CARD14: variants seen among roughly 807,000 people sequenced by gnomAD.
CARD14 encodes caspase recruitment domain family member 14.
A neutral mutation model predicts 111.5 loss-of-function variants in CARD14; 107 were observed. The ratio of observed to expected loss-of-function variants is 0.96; its 90% CI spans 0.82 to 1.13. The LOEUF (loss-of-function observed/expected upper bound fraction) is 1.13, where lower values mean the gene tolerates loss of function less well. Ranked by LOEUF, CARD14 falls within the 50% of genes most tolerant of loss-of-function variation. The probability of loss-of-function intolerance (pLI) is 0.00; values close to 1 mark genes in which losing one functional copy is unlikely to be tolerated. For missense variants in CARD14, 1,322 were observed against 1,362.3 expected (o/e 0.97, Z 0.47); for synonymous variants, 617 against 579.6 (o/e 1.06, Z -0.93).
rs575672821 is a variant in CARD14, at chr17:80,195,823, G to A, written c.1594+171G>A. On this transcript the variant is annotated intron_variant, in intron 14 of 23. Coordinates refer to ENST00000648509, the MANE Select transcript of CARD14 (RefSeq NM_001366385.1). This position sits in a 1 kb window ranked among gnomAD's most constrained non-coding sequence, Gnocchi z 4.7. ...CGACCTTGCACTTTGGGAAAGTCCC[G>A]CCTGCCAGCCAGCGTAAGCCAAAGG... 17 of 608,964 alleles carry A rather than the reference G, an allele frequency of 2.8e-5. No individual in the cohort carries two copies. Among genetic ancestry groups the A allele is most frequent in the South Asian group, 4.1e-5 (2 of 49,350 alleles). 37.7% of individuals were successfully genotyped at this position (608,964 alleles called of 1,614,324 possible).
At chr17:80,170,794 C>T (rs1379967623) in intron 1 of CARD14, among the ~76,000 whole-genome samples, 5 of 105,534 alleles carry the variant, frequency 4.7e-5, no homozygotes, top group Non-Finnish European at 8.0e-5. Flanking sequence ...CCTCCCCTCC[C>T]GTCCCCTCCC....
chr17:80,208,092 C>T (rs998844891), intron 23 of CARD14, 46 bp from the exon 24 acceptor site: 35 of 1,410,262 alleles, frequency 2.5e-5, no homozygotes, highest in Admixed American at 1.9e-4. Context: ...GCTCCTGGGC[C>T]CTTGCTCTCC....
In CARD14 at chr17:80,209,322, T is replaced by A; in HGVS notation, c.*977T>A. ...TGTATATTTTACTAAAATAAAAAGCTTTTACAATAGCTGGCCTGTGGCCTC... is the reference window on the plus strand; with the variant it reads ...TGTATATTTTACTAAAATAAAAAGCATTTACAATAGCTGGCCTGTGGCCTC... On this transcript the variant is annotated 3_prime_UTR_variant, in exon 24 of 24. Transcript: ENST00000648509. 1.0e-6 allele frequency: 1 copy of A among 985,340 alleles called. No homozygotes were observed. The highest frequency in any genetic ancestry group is 1.2e-6 in the Non-Finnish European group (1 of 829,872). 61.0% of individuals were successfully genotyped at this position (985,340 alleles called of 1,614,324 possible).
chr17:80,190,936 C>T, intron 10 of CARD14, 37 bp downstream of exon 10: 1 of 1,603,960 alleles, frequency 6.2e-7, no homozygotes, highest in Non-Finnish European at 8.5e-7. Flanking sequence ...CCACCCCATG[C>T]TTGCTTCCCC....
Position 80,182,904 on chromosome 17 carries a change from C to T in CARD14, c.349+114C>T. 1 of 1,264,280 alleles carries T rather than the reference C, an allele frequency of 7.9e-7. No individual in the cohort carries two copies. The highest frequency in any genetic ancestry group is 1.1e-6 in the Non-Finnish European group (1 of 895,082). The allele number at this position is 1,264,280 out of a possible 1,614,324, so 78.3% of individuals were successfully genotyped here. A position where few individuals can be genotyped will look rare whatever the true frequency, so the allele number is the denominator to read the frequency against. On this transcript the variant is annotated intron_variant, in intron 6 of 23. Transcript: ENST00000648509. This position sits in a 1 kb window ranked among gnomAD's most constrained non-coding sequence, Gnocchi z 4.7. ...TGCCCTACTCCCCCTTCCCTCCAGG[C>T]TGCAGTTCCTGTCCCAGCCCCAGCA...
At chr17:80,183,698 G>C (rs568273423) in intron 6 of CARD14, among the ~76,000 whole-genome samples, 1 of 152,090 alleles carries the variant, frequency 6.6e-6, no homozygotes, top group Non-Finnish European at 1.5e-5. Context: ...TCATGCCTCG[G>C]CCCACCGGCC....
rs191764416 is a variant in CARD14, at chr17:80,189,574, T to C, written c.844-179T>C. On this transcript the variant is annotated intron_variant, in intron 8 of 23. Coordinates refer to ENST00000648509, the MANE Select transcript of CARD14 (RefSeq NM_001366385.1). The surrounding 1 kb of genome is among the most constrained non-coding windows in gnomAD (Gnocchi z 4.7). ...CTTCTCCTTGGCCATGAATCTGCAC[T>C]TTTCCCAGGCATGATGGGTGGCTTT... 2.6e-5 allele frequency among the ~76,000 whole-genome samples: 4 copies of C among 152,284 alleles called. No homozygotes were observed. Among genetic ancestry groups the C allele is most frequent in the Non-Finnish European group, 5.9e-5 (4 of 68,014 alleles).
intron 7 of CARD14, among the ~76,000 whole-genome samples, chr17:80,184,669 T>C (rs76960907): frequency 8.1e-5 from 12 of 149,036 alleles, no homozygotes; most frequent in African/African-American, 3.0e-4. Flanking sequence ...GGATAGTTGG[T>C]CTCTGTCGTC....
In CARD14 at chr17:80,205,165, G is replaced by GAA; in HGVS notation, c.2531_2532dup (p.Leu845AsnfsTer16). On this transcript the variant is annotated frameshift_variant, in exon 21 of 24. Coordinates refer to ENST00000648509, the MANE Select transcript of CARD14 (RefSeq NM_001366385.1). LOFTEE classifies it high-confidence loss of function. ...GGGCGGTTGGGAAGATCCTGAGCGA[G>GAA]AAACTGTGCCTCCTCCAAGGGTTTA... The GAA allele has an allele frequency of 6.2e-7, 1 of 1,613,860 alleles. No homozygotes were observed. The highest frequency in any genetic ancestry group is 1.1e-5 in the South Asian group (1 of 91,082).
In CARD14 at chr17:80,201,866, G is replaced by A. The variant is rs776920670; in HGVS notation, c.1974G>A (p.Thr658=). 1.2e-5 allele frequency: 20 copies of A among 1,612,346 alleles called. No individual in the cohort carries two copies. The Middle Eastern group carries it at 5.0e-4, about 40-fold the overall frequency. The stretch of plus-strand genomic sequence containing the variant: ...GCTGCCTGTCTGTGAAGGTCAACAC[G>A]GACGGTACACATACCACTCCTCTCG... ...GFCCLSVKVN[T]DGYKRLLQDL... is the part of the protein sequence containing the mutation. The change falls in exon 17 of 24, where the codon ACG becomes ACA. Residue 658 remains threonine (T), a synonymous_variant. Coordinates refer to ENST00000648509, the MANE Select transcript of CARD14 (RefSeq NM_001366385.1). The surrounding 1 kb of genome is among the most constrained non-coding windows in gnomAD (Gnocchi z 5.0).
intron 18 of CARD14, chr17:80,202,867 G>A (rs2041062483): frequency 5.7e-6 from 1 of 174,754 alleles, no homozygotes; most frequent in Non-Finnish European, 1.2e-5. Flanking sequence ...CTTGGTCTTA[G>A]CACTGAAAGC....
chr17:80,185,561 A>C (rs2044102), intron 7 of CARD14, among the ~76,000 whole-genome samples: 62,941 of 152,016 alleles, frequency 0.41, 13,483 homozygotes, highest in East Asian at 0.54. Flanking sequence ...ATATAGCCAC[A>C]GTGCAGTTCT....
chr17:80,175,273 C>G (rs1415128502), intron 2 of CARD14, among the ~76,000 whole-genome samples: 2 of 152,160 alleles, frequency 1.3e-5, no homozygotes, highest in Admixed American at 1.3e-4. Context: ...CCACCATGCC[C>G]GGCCTGCTAT....
chr17:80,193,801 C>A (rs936397815), intron 12 of CARD14, among the ~76,000 whole-genome samples: 2 of 152,176 alleles, frequency 1.3e-5, no homozygotes. Flanking sequence ...CTGGGCCTCC[C>A]TGGGCCAGGA....
At position 80,190,444 on chromosome 17, in the gene CARD14, C is replaced by T. The variant is rs112903550; in HGVS notation, c.964-330C>T. ...CCTGGCCAATATAGTGAAACCCTGT[C>T]TCTACTAAAAATACAAAAATTAGCT... is the stretch of plus-strand genomic sequence containing the variant. On this transcript the variant is annotated intron_variant, in intron 9 of 23. Transcript: ENST00000648509. Among the ~76,000 whole-genome samples, 2,909 of 152,118 alleles carry T rather than the reference C, an allele frequency of 0.019. 95 individuals are homozygous for T. The highest frequency in any genetic ancestry group is 0.067 in the African/African-American group (2,773 of 41,484).
Position 80,198,436 on chromosome 17 carries a change from C to T in CARD14, c.1696C>T (p.Leu566=). 1 of 1,610,510 alleles carries T rather than the reference C, an allele frequency of 6.2e-7. No homozygotes were observed. The highest frequency in any genetic ancestry group is 1.1e-5 in the South Asian group (1 of 90,902). ...GCGGCGGAGGCCAGCCCGCAGGATC[C>T]TGAGCCAGGTCACCATGCTGGCGTT... ...LMRRRPARRI[L]SQVTMLAFQG... The change falls in exon 16 of 24, where the codon CTG becomes TTG. Residue 566 remains leucine (L), a synonymous_variant. Coordinates refer to ENST00000648509, the MANE Select transcript of CARD14 (RefSeq NM_001366385.1). The surrounding 1 kb of genome is among the most constrained non-coding windows in gnomAD (Gnocchi z 7.5).
rs1442739988 is a variant in CARD14 at position 80,203,154 on chromosome 17, C to T, written c.2220-668C>T. On this transcript the variant is annotated intron_variant, in intron 18 of 23. Transcript: ENST00000648509. The surrounding 1 kb of genome is among the most constrained non-coding windows in gnomAD (Gnocchi z 4.6). ...GCGTGGTGGCAGGTGCCTGTAATCC[C>T]AGCTACTCAGGAGGCTGAGGCAGGA... is the stretch of plus-strand genomic sequence containing the variant. The T allele has an allele frequency of 6.6e-6, 1 of 152,018 alleles. No homozygotes were observed. The highest frequency in any genetic ancestry group is 1.9e-4 in the East Asian group (1 of 5,188). 9.4% of individuals were successfully genotyped at this position (152,018 alleles called of 1,614,324 possible). A position where few individuals can be genotyped will look rare whatever the true frequency, so the allele number is the denominator to read the frequency against.
Position 80,208,324 on chromosome 17 carries a change from G to A in CARD14, c.2994G>A (p.Trp998Ter), listed in dbSNP as rs758865360. The A allele has an allele frequency of 2.5e-5, 40 of 1,602,906 alleles. No homozygotes were observed. Among genetic ancestry groups the A allele is most frequent in the Non-Finnish European group, 3.1e-5 (37 of 1,175,556 alleles). Residue 998 changes from tryptophan (W) to a stop codon, truncating the protein, a stop_gained, in exon 24 of 24, where the codon TGG (tryptophan) becomes TGA (stop). Coordinates refer to ENST00000648509, the MANE Select transcript of CARD14 (RefSeq NM_001366385.1). LOFTEE classifies it high-confidence loss of function. ...AIADEQKKVV[W>*]TEQSPR ...CCGACGAGCAGAAGAAGGTGGTGTG[G>A]ACGGAGCAGAGCCCCCGATGATGCA...
In CARD14 at chr17:80,179,522, C is replaced by T. The variant is rs989869804; in HGVS notation, c.-21+221C>T. ...GCAAAGATGCTATGTACTGTTTATACACACTTCCATTTGTAGGAAATGATT... is the reference window on the plus strand; with the variant it reads ...GCAAAGATGCTATGTACTGTTTATATACACTTCCATTTGTAGGAAATGATT... On this transcript the variant is annotated intron_variant, in intron 4 of 23. Transcript: ENST00000648509. 2.6e-5 allele frequency among the ~76,000 whole-genome samples: 4 copies of T among 152,214 alleles called. No individual in the cohort carries two copies. The South Asian group carries it at 6.2e-4, about 24-fold the overall frequency.
Sources: gnomAD v4.1 joint callset for allele counts (sites outside exome capture counted in the v4.1 genomes callset) on GRCh38, gnomAD v4.1.1 for gene constraint, Gnocchi (gnomAD v3.1) non-coding constraint, MANE v1.5 for transcripts, NCBI Gene and HGNC (gene_info 2026-07-23, HGNC 2026-07-21) for gene names.